The following DSCAML1 variants were observed in gnomAD, a reference collection of about 807,000 sequenced individuals.
DSCAML1 encodes DS cell adhesion molecule like 1.
DSCAML1 carries 38 observed loss-of-function variants against 200.5 expected under a neutral mutation model. The observed-to-expected ratio is 0.19, with a 90% confidence interval of 0.15 to 0.25. The LOEUF (loss-of-function observed/expected upper bound fraction) is 0.25, where lower values mean the gene tolerates loss of function less well. DSCAML1 is among the 10% of genes least tolerant of loss of function. The pLI, the probability that DSCAML1 is intolerant of heterozygous loss-of-function variation, is 1.00. For missense variants in DSCAML1, 2,223 were observed against 2,858.8 expected, an observed-to-expected ratio of 0.78 and a Z score of 5.07; for synonymous variants, 1,215 against 1,165.0, an observed-to-expected ratio of 1.04 and a Z score of -0.87.
intron 17 of DSCAML1, among the ~76,000 whole-genome samples, chr11:117,464,249 G>A (rs2048535459): frequency 6.6e-6 from 1 of 152,116 alleles, no homozygotes; most frequent in African/African-American, 2.4e-5. Context: ...CTGCTCTTTA[G>A]GGGACAGAGG....
At chr11:117,646,641 C>T (rs2052527579) in intron 3 of DSCAML1, among the ~76,000 whole-genome samples, 1 of 152,170 alleles carries the variant, frequency 6.6e-6, no homozygotes, top group Admixed American at 6.5e-5. Flanking sequence ...TGCATTTCTT[C>T]CCAATCCCAT....
intron 3 of DSCAML1, among the ~76,000 whole-genome samples, chr11:117,597,085 G>A (rs1264608594): frequency 6.6e-6 from 1 of 152,174 alleles, no homozygotes; most frequent in Non-Finnish European, 1.5e-5. Flanking sequence ...CTGCATGGAG[G>A]TTTTCCGACA....
At chr11:117,461,108 C>T (rs2048472995) in intron 18 of DSCAML1, among the ~76,000 whole-genome samples, 1 of 152,126 alleles carries the variant, frequency 6.6e-6, no homozygotes, top group Admixed American at 6.5e-5. Context: ...ATCATGCCCC[C>T]AACACTTCCC....
intron 11 of DSCAML1, among the ~76,000 whole-genome samples, chr11:117,502,552 G>T (rs947732036): frequency 6.6e-6 from 1 of 152,172 alleles, no homozygotes; most frequent in African/African-American, 2.4e-5. Context: ...CCTGAGCATC[G>T]ATCGCTGGGG....
chr11:117,811,851 G>A (rs902061232), intron 1 of DSCAML1, among the ~76,000 whole-genome samples: 9 of 151,974 alleles, frequency 5.9e-5, no homozygotes, highest in Non-Finnish European at 8.8e-5. Flanking sequence ...TAATCAATAC[G>A]GAGGCTACCC....
In DSCAML1 at chr11:117,498,155, G is replaced by A. The variant is rs1777797707; in HGVS notation, c.2359+5690C>T. Reference sequence around the variant, plus strand: ...CAGCCCCCAAGGAGCTTCAGTCTGTGACGAGATAGGACCCACCACCGGGGA... The same window carrying A: ...CAGCCCCCAAGGAGCTTCAGTCTGTAACGAGATAGGACCCACCACCGGGGA... On this transcript the variant is annotated intron_variant, in intron 11 of 32. Transcript: ENST00000651296. This position sits in a 1 kb window ranked among gnomAD's most constrained non-coding sequence, Gnocchi z 4.0. Among the ~76,000 whole-genome samples the A allele has an allele frequency of 6.6e-6, 1 of 152,204 alleles. No individual in the cohort carries two copies. Among genetic ancestry groups the A allele is most frequent in the Admixed American group, 6.5e-5 (1 of 15,294 alleles).
At chr11:117,796,475 G>A (rs968300765) in intron 1 of DSCAML1, among the ~76,000 whole-genome samples, 2 of 152,236 alleles carry the variant, frequency 1.3e-5, no homozygotes. Flanking sequence ...TCCAGCTCTC[G>A]GGACTCTCAC....
At chr11:117,768,529 T>C (rs1001290996) in intron 3 of DSCAML1, among the ~76,000 whole-genome samples, 7 of 152,098 alleles carry the variant, frequency 4.6e-5, no homozygotes, top group East Asian at 1.9e-4. Flanking sequence ...TGCCAGATGA[T>C]GGAGAAGACA....
intron 19 of DSCAML1, among the ~76,000 whole-genome samples, chr11:117,455,520 G>T (rs1309015660): frequency 6.6e-6 from 1 of 152,174 alleles, no homozygotes; most frequent in Non-Finnish European, 1.5e-5. Context: ...AGTTAGCACT[G>T]GAACTCATGA....
chr11:117,602,046 T>G (rs2051475462), intron 3 of DSCAML1, among the ~76,000 whole-genome samples: 1 of 152,254 alleles, frequency 6.6e-6, no homozygotes, highest in South Asian at 2.1e-4. Context: ...AGCCCAAGCT[T>G]GTTTCTCTTG....
chr11:117,665,631 A>G (rs2052959994), intron 3 of DSCAML1, among the ~76,000 whole-genome samples: 1 of 152,070 alleles, frequency 6.6e-6, no homozygotes, highest in Non-Finnish European at 1.5e-5. Context: ...CATTGTCCCT[A>G]TTTTACAGAT....
At chr11:117,817,161 T>C (rs1304146932) in intron 1 of DSCAML1, among the ~76,000 whole-genome samples, 1 of 152,192 alleles carries the variant, frequency 6.6e-6, no homozygotes, top group African/African-American at 2.4e-5. Context: ...TTCCTGTTCA[T>C]GGGTGCTGTG....
At chr11:117,772,164 A>G (rs1309985553) in intron 3 of DSCAML1, among the ~76,000 whole-genome samples, 1 of 152,152 alleles carries the variant, frequency 6.6e-6, no homozygotes, top group East Asian at 1.9e-4. Context: ...TACCCCAGGC[A>G]GAAGAGATCG....
Position 117,769,548 on chromosome 11 carries a change from T to A in DSCAML1, c.511+7243A>T, listed in dbSNP as rs1310044375. On this transcript the variant is annotated intron_variant, in intron 3 of 32. Transcript: ENST00000651296. The stretch of plus-strand genomic sequence containing the variant: ...ATATATTTTATATATATTATATATT[T>A]TATATATATATTTTATATATATTAT... Among the ~76,000 whole-genome samples, 5 of 2,214 alleles carry A rather than the reference T, an allele frequency of 2.3e-3. 2 individuals carry two copies. The highest frequency in any genetic ancestry group is 3.0e-3 in the African/African-American group (5 of 1,686). The allele number at this position is 2,214 out of a possible 152,430, so 1.5% of individuals were successfully genotyped here. A position where few individuals can be genotyped will look rare whatever the true frequency, so the allele number is the denominator to read the frequency against.
At chr11:117,774,963 C>G (rs556092601) in intron 3 of DSCAML1, among the ~76,000 whole-genome samples, 2 of 152,078 alleles carry the variant, frequency 1.3e-5, no homozygotes, top group African/African-American at 4.8e-5. Flanking sequence ...ATAGTAAGCA[C>G]CCCCCAAATT....
At chr11:117,545,087 G>T (rs1168459366) in intron 3 of DSCAML1, among the ~76,000 whole-genome samples, 1 of 152,072 alleles carries the variant, frequency 6.6e-6, no homozygotes, top group African/African-American at 2.4e-5. Context: ...AAAACTAGCT[G>T]GGCGTGGTGG....
chr11:117,518,662 C>A lies in DSCAML1; in HGVS notation c.1314G>T (p.Thr438=). 8 of 1,613,350 alleles carry A rather than the reference C, an allele frequency of 5.0e-6. No homozygotes were observed. The highest frequency in any genetic ancestry group is 6.8e-6 in the Non-Finnish European group (8 of 1,179,922). Residue 438 remains threonine (T), a synonymous_variant, in exon 7 of 33, where the codon ACG becomes ACT. Transcript: ENST00000651296. The surrounding 1 kb of genome is among the most constrained non-coding windows in gnomAD (Gnocchi z 6.3). ...GCTCATCGTCGAGGGCCCAGGTGACCGTGGGGGGCGGGGCGCCCTTGGCCG... is the reference window on the plus strand; with the variant it reads ...GCTCATCGTCGAGGGCCCAGGTGACAGTGGGGGGCGGGGCGCCCTTGGCCG... ...MCAAKGAPPP[T]VTWALDDEPI...
At position 117,806,013 on chromosome 11, in the gene DSCAML1, C is replaced by T. The variant is rs190478919; in HGVS notation, c.-250+11377G>A. 2.6e-3 allele frequency among the ~76,000 whole-genome samples: 401 copies of T among 152,336 alleles called. 1 individual carries two copies. Among genetic ancestry groups the T allele is most frequent in the African/African-American group, 9.0e-3 (376 of 41,580 alleles). On this transcript the variant is annotated intron_variant, in intron 1 of 2. Coordinates refer to the DSCAML1 transcript ENST00000525836. Reference sequence around the variant, plus strand: ...GGCTCCTGACCGCCTGGCCTGCGCTCAGCTAAGTGGTGTTTACCTCCCTCC... The same window carrying T: ...GGCTCCTGACCGCCTGGCCTGCGCTTAGCTAAGTGGTGTTTACCTCCCTCC...
intron 3 of DSCAML1, among the ~76,000 whole-genome samples, chr11:117,613,736 T>C (rs2051748199): frequency 1.3e-5 from 2 of 152,112 alleles, no homozygotes; most frequent in Non-Finnish European, 2.9e-5. Context: ...AACATCCAAA[T>C]ATAACTGGCC....
Sources: allele counts gnomAD v4.1 joint callset (sites outside exome capture counted in the v4.1 genomes callset), GRCh38; gene constraint gnomAD v4.1.1; non-coding constraint Gnocchi (gnomAD v3.1); transcripts MANE v1.5; gene names NCBI Gene and HGNC (gene_info 2026-07-23, HGNC 2026-07-21).